EPS15: variants seen among roughly 807,000 people sequenced by gnomAD.
EPS15 encodes epidermal growth factor receptor substrate 15.
In EPS15, 72 loss-of-function variants were observed where a neutral mutation model predicts 113.8. The ratio of observed to expected loss-of-function variants is 0.63; its 90% CI spans 0.52 to 0.77. The LOEUF (loss-of-function observed/expected upper bound fraction) is 0.77, where lower values mean the gene tolerates loss of function less well. Ranked by LOEUF, EPS15 falls within the 30% of genes least tolerant of loss-of-function variation. EPS15 has a pLI of 0.00. For missense variants in EPS15, 1,048 were observed against 1,045.8 expected (o/e 1.00, Z -0.03); for synonymous variants, 344 against 363.4 (o/e 0.95, Z 0.61).
At chr1:51,384,298 C>CTTTTTTTTTTTTTT (rs67265512) in intron 21 of EPS15, among the ~76,000 whole-genome samples, 10 of 99,524 alleles carry the variant, frequency 1.0e-4, no homozygotes, top group Admixed American at 3.5e-4. Context: ...TTCTTTCTTT[C>CTTTTTTTTTTTTTT]TTTTTTTTTT....
At chr1:51,516,983 C>T (rs1644730929) in intron 1 of EPS15, among the ~76,000 whole-genome samples, 1 of 152,202 alleles carries the variant, frequency 6.6e-6, no homozygotes, top group South Asian at 2.1e-4. Flanking sequence ...GTGGGGGGAA[C>T]AGAGGATGAC....
At chr1:51,421,651 T>A in intron 13 of EPS15, 135 bp downstream of exon 13, 2 of 447,562 alleles carry the variant, frequency 4.5e-6, no homozygotes, top group Middle Eastern at 4.5e-4. Context: ...TTGGAAAAGA[T>A]AAACATTTAT....
At chr1:51,479,912 T>C (rs751422915) in intron 2 of EPS15, among the ~76,000 whole-genome samples, 18 of 152,180 alleles carry the variant, frequency 1.2e-4, no homozygotes, top group African/African-American at 4.3e-4. Flanking sequence ...ACCAGCAGGC[T>C]AGGAACCTTA....
intron 2 of EPS15, among the ~76,000 whole-genome samples, chr1:51,479,884 A>G (rs1643988788): frequency 6.6e-6 from 1 of 152,242 alleles, no homozygotes; most frequent in Non-Finnish European, 1.5e-5. Context: ...CCTCACGGGT[A>G]GTAAAGTAAG....
chr1:51,426,817 G>GTC (rs35528783), intron 12 of EPS15, among the ~76,000 whole-genome samples: 4,837 of 145,608 alleles, frequency 0.033, 115 homozygotes, highest in African/African-American at 0.06. Context: ...AAATAAATCT[G>GTC]TCTCTCTCTC....
intron 21 of EPS15, among the ~76,000 whole-genome samples, chr1:51,367,438 A>G (rs566875158): frequency 1.2e-4 from 18 of 152,280 alleles, no homozygotes; most frequent in Admixed American, 1.1e-3. Flanking sequence ...CTGTAATATC[A>G]GCTGCTTGGG....
intron 21 of EPS15, among the ~76,000 whole-genome samples, chr1:51,386,053 A>G (rs1443940337): frequency 6.6e-6 from 1 of 152,228 alleles, no homozygotes; most frequent in Non-Finnish European, 1.5e-5. Flanking sequence ...TGTATATTTT[A>G]CCACAATTTA....
chr1:51,498,116 A>G (rs1485538782), intron 1 of EPS15, among the ~76,000 whole-genome samples: 1 of 152,138 alleles, frequency 6.6e-6, no homozygotes, highest in Admixed American at 6.5e-5. Flanking sequence ...TCACTTCTCT[A>G]TATTTGGATT....
chr1:51,458,939 A>C, intron 8 of EPS15: 1 of 154,060 alleles, frequency 6.5e-6, no homozygotes, highest in Non-Finnish European at 1.4e-5. Flanking sequence ...CAATGGCTCA[A>C]CCCCTGAAAT....
intron 8 of EPS15, among the ~76,000 whole-genome samples, chr1:51,459,884 G>T (rs1230895701): frequency 2.0e-5 from 3 of 151,958 alleles, no homozygotes; most frequent in Non-Finnish European, 2.9e-5. Context: ...TCCTTTAAAT[G>T]ATTTCAATAT....
At chr1:51,508,598 GTTC>G (rs1336975565) in intron 1 of EPS15, among the ~76,000 whole-genome samples, 1 of 152,112 alleles carries the variant, frequency 6.6e-6, no homozygotes, top group Non-Finnish European at 1.5e-5. Flanking sequence ...TATATCCAGT[GTTC>G]TTCCCACTAC....
At chr1:51,453,481 T>C (rs907761078) in intron 8 of EPS15, among the ~76,000 whole-genome samples, 1 of 152,208 alleles carries the variant, frequency 6.6e-6, no homozygotes, top group Non-Finnish European at 1.5e-5. Context: ...CTATTAAAAG[T>C]ATGCCACTGA....
At chr1:51,385,474 T>C (rs1436549398) in intron 21 of EPS15, among the ~76,000 whole-genome samples, 2 of 152,200 alleles carry the variant, frequency 1.3e-5, no homozygotes, top group African/African-American at 4.8e-5. Flanking sequence ...TAAAATGGTA[T>C]GGCTGCTGTG....
At chr1:51,446,909 G>T in intron 10 of EPS15, 51 bp downstream of exon 10, 1 of 1,436,384 alleles carries the variant, frequency 7.0e-7, no homozygotes, top group Non-Finnish European at 9.5e-7. Flanking sequence ...GCAGAAACTG[G>T]AATTGATACA....
chr1:51,359,253 G>A (rs552645754), intron 24 of EPS15, among the ~76,000 whole-genome samples: 12 of 151,462 alleles, frequency 7.9e-5, no homozygotes, highest in Middle Eastern at 3.4e-3. Context: ...AGACCATCCC[G>A]GCCAACATGG....
At position 51,437,790 on chromosome 1, in the gene EPS15, T is replaced by TA. The variant is rs1652279713; in HGVS notation, c.1040+2556dup. Reference sequence around the variant, plus strand: ...CAGCTATCGCGCCCAGCCCCTGGACTAAAACTAAGTATCTTCATCTCAAAA... The same window carrying TA: ...CAGCTATCGCGCCCAGCCCCTGGACTAAAAACTAAGTATCTTCATCTCAAAA... On this transcript the variant is annotated intron_variant, in intron 12 of 24. Coordinates refer to ENST00000371733, the MANE Select transcript of EPS15 (RefSeq NM_001981.3). Among the ~76,000 whole-genome samples, 3 of 152,146 alleles carry TA rather than the reference T, an allele frequency of 2.0e-5. No individual in the cohort carries two copies. In the South Asian group the frequency reaches 6.2e-4, roughly 31 times the overall value.
chr1:51,482,862 G>C (rs1644047029), intron 1 of EPS15, among the ~76,000 whole-genome samples: 2 of 151,252 alleles, frequency 1.3e-5, no homozygotes, highest in South Asian at 4.4e-4. Context: ...ACATAGATTT[G>C]ACAGGACTTA....
chr1:51,476,100 G>C (rs1379043961), intron 2 of EPS15, among the ~76,000 whole-genome samples: 13 of 152,170 alleles, frequency 8.5e-5, no homozygotes, highest in Admixed American at 7.9e-4. Context: ...AGCATAGTTT[G>C]AAGTCAGGTA....
chr1:51,447,208 C>T (rs941857653), intron 9 of EPS15, 103 bp from the exon 10 acceptor site: 4 of 980,138 alleles, frequency 4.1e-6, no homozygotes, highest in Non-Finnish European at 3.0e-6. Context: ...CTGAACAATT[C>T]TACCCTACTA....
Sources: allele counts gnomAD v4.1 joint callset (sites outside exome capture counted in the v4.1 genomes callset), GRCh38; gene constraint gnomAD v4.1.1; transcripts MANE v1.5; gene names NCBI Gene and HGNC (gene_info 2026-07-23, HGNC 2026-07-21).